SDK1: variants seen among roughly 807,000 people sequenced by gnomAD.
The protein encoded by SDK1 is sidekick cell adhesion molecule 1.
In SDK1, 157 loss-of-function variants were observed where a neutral mutation model predicts 245.5. The ratio of observed to expected loss-of-function variants is 0.64; its 90% CI spans 0.56 to 0.73. The LOEUF is 0.73. Among genes scored for constraint, SDK1 ranks in the 30% least tolerant of loss-of-function variants. The pLI, the probability that SDK1 is intolerant of heterozygous loss-of-function variation, is 0.00. For synonymous variants in SDK1, 1,647 were observed against 1,278.5 expected (o/e 1.29, Z -6.15); for missense variants, 3,583 against 3,002.3 (o/e 1.19, Z -4.52).
intron 13 of SDK1, among the ~76,000 whole-genome samples, chr7:3,983,640 G>A (rs542757556): frequency 2.7e-4 from 41 of 152,316 alleles, no homozygotes; most frequent in Non-Finnish European, 5.3e-4. Flanking sequence ...TGTGGTGGTC[G>A]GGAACTGAAC....
intron 1 of SDK1, among the ~76,000 whole-genome samples, chr7:3,559,664 C>T (rs1405216256): frequency 6.6e-6 from 1 of 151,606 alleles, no homozygotes; most frequent in Non-Finnish European, 1.5e-5. Flanking sequence ...TCACCTGTGT[C>T]CATTTGTGAT....
At chr7:3,325,928 A>G (rs1427849599) in intron 1 of SDK1, among the ~76,000 whole-genome samples, 1 of 152,114 alleles carries the variant, frequency 6.6e-6, no homozygotes, top group Admixed American at 6.5e-5. Flanking sequence ...AGGCCTAGGA[A>G]AGAACCATCT....
rs542763807 is a variant in SDK1, at chr7:4,070,623, A to G, written c.3010+2687A>G. Among the ~76,000 whole-genome samples, 4 of 152,184 alleles carry G rather than the reference A, an allele frequency of 2.6e-5. 1 individual carries two copies. The highest frequency in any genetic ancestry group is 4.2e-4 in the South Asian group (2 of 4,810). On this transcript the variant is annotated intron_variant, in intron 20 of 44. Transcript: ENST00000404826. ...CTACTCATCAGTAGAATCTCCTGTAATCATCTGTGCCAACCAGATCCCCTG... is the reference window on the plus strand; with the variant it reads ...CTACTCATCAGTAGAATCTCCTGTAGTCATCTGTGCCAACCAGATCCCCTG...
chr7:3,851,535 C>T (rs1045486332), intron 5 of SDK1, among the ~76,000 whole-genome samples: 4 of 151,906 alleles, frequency 2.6e-5, no homozygotes, highest in Admixed American at 6.6e-5. Flanking sequence ...ATACCAGTCT[C>T]AAGGGAATAA....
intron 1 of SDK1, among the ~76,000 whole-genome samples, chr7:3,578,760 C>T (rs1780387991): frequency 6.6e-6 from 1 of 151,908 alleles, no homozygotes; most frequent in African/African-American, 2.4e-5. Context: ...CCTCACCCCA[C>T]AGGCAGTCAG....
chr7:3,323,384 G>C (rs773512697), intron 1 of SDK1, among the ~76,000 whole-genome samples: 2 of 152,176 alleles, frequency 1.3e-5, no homozygotes, highest in Non-Finnish European at 2.9e-5. Context: ...AATTTCCAGA[G>C]CTTGCTGTAA....
In SDK1 at chr7:3,301,447, C is replaced by T. The variant is rs1388088054; in HGVS notation, c.-140C>T. ...CTCACGCGGGGACCCAGGACGCCGC[C>T]CCTCAGCGCTGGGCGGCCGCTCACC... On this transcript the variant is annotated 5_prime_UTR_variant, in exon 1 of 45. Transcript: ENST00000404826. 3.5e-5 allele frequency: 6 copies of T among 169,294 alleles called. No homozygotes were observed. The South Asian group carries it at 5.7e-4, about 16-fold the overall frequency. 10.5% of individuals were successfully genotyped at this position (169,294 alleles called of 1,614,324 possible). A position where few individuals can be genotyped will look rare whatever the true frequency, so the allele number is the denominator to read the frequency against.
At chr7:4,207,809 T>C (rs114611146) in intron 36 of SDK1, among the ~76,000 whole-genome samples, 1,657 of 152,194 alleles carry the variant, frequency 0.011, 32 homozygotes, top group African/African-American at 0.038. Context: ...CCTCACAACT[T>C]ATCTTCAACA....
chr7:3,644,390 A>G (rs976018764), intron 4 of SDK1, among the ~76,000 whole-genome samples: 8 of 151,862 alleles, frequency 5.3e-5, no homozygotes, highest in Admixed American at 6.6e-5. Context: ...ATTGATTCCA[A>G]TAATAAAAGA....
intron 1 of SDK1, among the ~76,000 whole-genome samples, chr7:3,569,571 A>G (rs1780042259): frequency 6.6e-6 from 1 of 152,240 alleles, no homozygotes; most frequent in Non-Finnish European, 1.5e-5. Flanking sequence ...GTCTGTGCCC[A>G]CGGTTCATCA....
At position 3,743,476 on chromosome 7, in the gene SDK1, T is replaced by C. The variant is rs150627744; in HGVS notation, c.714-77974T>C. 7.1e-3 allele frequency among the ~76,000 whole-genome samples: 1,084 copies of C among 152,190 alleles called. 14 individuals carry two copies. The highest frequency in any genetic ancestry group is 0.025 in the African/African-American group (1,020 of 41,514). On this transcript the variant is annotated intron_variant, in intron 4 of 44. Coordinates refer to ENST00000404826, the MANE Select transcript of SDK1 (RefSeq NM_152744.4). ...TAGAGTGGACCTTTTACTTTAATTG[T>C]GGAAGGAGGGCAAGCAGCCCCTGAG... is the stretch of plus-strand genomic sequence containing the variant.
rs577163956 is a variant in SDK1, at chr7:3,490,866, G to T, written c.299-128214G>T. 7.9e-5 allele frequency among the ~76,000 whole-genome samples: 12 copies of T among 152,224 alleles called. No homozygotes were observed. In the South Asian group the frequency reaches 2.3e-3, roughly 29 times the overall value. On this transcript the variant is annotated intron_variant, in intron 1 of 44. Coordinates refer to ENST00000404826, the MANE Select transcript of SDK1 (RefSeq NM_152744.4). ...TTTTCTTGGGTGTTCTTGGAACTCT[G>T]GTAGAAGACAGGGAGAATGATAGAT...
In SDK1 at chr7:4,155,684, A is replaced by C. The variant is rs927504437; in HGVS notation, c.4626-2764A>C. On this transcript the variant is annotated intron_variant, in intron 30 of 44. Coordinates refer to ENST00000404826, the MANE Select transcript of SDK1 (RefSeq NM_152744.4). ...ACTGTGTGCCAGATACAACACTGGTATTTACGTGTCCTCATAGGCAACCCC... is the reference window on the plus strand; with the variant it reads ...ACTGTGTGCCAGATACAACACTGGTCTTTACGTGTCCTCATAGGCAACCCC... Among the ~76,000 whole-genome samples the C allele has an allele frequency of 3.3e-5, 5 of 152,206 alleles. No individual in the cohort carries two copies. In the East Asian group the frequency reaches 9.6e-4, roughly 29 times the overall value.
intron 22 of SDK1, among the ~76,000 whole-genome samples, chr7:4,084,225 C>T (rs1781279934): frequency 6.6e-6 from 1 of 152,198 alleles, no homozygotes; most frequent in Non-Finnish European, 1.5e-5. Context: ...AGGAATTGGT[C>T]CCCTGGTTAC....
At chr7:4,254,148 A>T (rs1406015541) in intron 44 of SDK1, among the ~76,000 whole-genome samples, 1 of 151,990 alleles carries the variant, frequency 6.6e-6, no homozygotes, top group African/African-American at 2.4e-5. Context: ...ATTTTTATCA[A>T]ATTTGGGAAA....
At chr7:3,600,048 T>G (rs894833787) in intron 1 of SDK1, among the ~76,000 whole-genome samples, 3 of 152,240 alleles carry the variant, frequency 2.0e-5, no homozygotes, top group Non-Finnish European at 4.4e-5. Flanking sequence ...GTTGAGTCTT[T>G]AATTCTATGG....
intron 4 of SDK1, among the ~76,000 whole-genome samples, chr7:3,683,819 A>G (rs561628333): frequency 8.5e-5 from 13 of 152,304 alleles, no homozygotes; most frequent in African/African-American, 3.1e-4. Context: ...CTAATCTGGA[A>G]CTAGCAATGG....
rs1364381272 is a variant in SDK1 at position 3,673,629 on chromosome 7, A to G, written c.713+31524A>G. Reference sequence around the variant, plus strand: ...TTATTTCTGTCTCATGTTGTTTTGGATATTCTGCTTTGCTAATGCATTAGG... The same window carrying G: ...TTATTTCTGTCTCATGTTGTTTTGGGTATTCTGCTTTGCTAATGCATTAGG... On this transcript the variant is annotated intron_variant, in intron 4 of 44. Transcript: ENST00000404826. Among the ~76,000 whole-genome samples, 2 of 152,044 alleles carry G rather than the reference A, an allele frequency of 1.3e-5. 1 individual carries two copies. Among genetic ancestry groups the G allele is most frequent in the Admixed American group, 1.3e-4 (2 of 15,252 alleles).
intron 17 of SDK1, among the ~76,000 whole-genome samples, chr7:4,022,762 T>A (rs1266223572): frequency 6.8e-6 from 1 of 147,082 alleles, no homozygotes; most frequent in Non-Finnish European, 1.5e-5. Flanking sequence ...CGTTTTTCTT[T>A]TCTTTCTTTC....
Sources: gnomAD v4.1 joint callset for allele counts (sites outside exome capture counted in the v4.1 genomes callset) on GRCh38, gnomAD v4.1.1 for gene constraint, MANE v1.5 for transcripts, NCBI Gene and HGNC (gene_info 2026-07-23, HGNC 2026-07-21) for gene names.